Variants in SLC35E3 observed in about 807,000 individuals in gnomAD.
The protein encoded by SLC35E3 is bladder cancer-overexpressed gene 1 protein.
In SLC35E3, 28 loss-of-function variants were observed where a neutral mutation model predicts 30.8. That is an observed-to-expected ratio of 0.91 (90% confidence interval 0.67 to 1.25). The LOEUF (loss-of-function observed/expected upper bound fraction) is 1.25, where lower values mean the gene tolerates loss of function less well. Among genes scored for constraint, SLC35E3 ranks in the 50% most tolerant of loss-of-function variants. The pLI is 0.00. For synonymous variants in SLC35E3, 146 were observed against 149.2 expected (o/e 0.98, Z 0.16); for missense variants, 365 against 375.4 (o/e 0.97, Z 0.23).
At chr12:68,748,095 A>C (rs1054792691) in intron 2 of SLC35E3, 55 bp downstream of exon 2, 7 of 1,006,558 alleles carry the variant, frequency 7.0e-6, no homozygotes, top group Non-Finnish European at 9.4e-6. Context: ...TAAATTTTGA[A>C]GCTGTATTCC....
At chr12:68,747,813 G>A in intron 1 of SLC35E3, 117 bp from the exon 2 acceptor site, 1 of 577,072 alleles carries the variant, frequency 1.7e-6, no homozygotes, top group South Asian at 2.4e-5. Context: ...ATTTATACAG[G>A]TTCATTGTTT....
At chr12:68,757,996 G>A (rs1259361219) in intron 3 of SLC35E3, among the ~76,000 whole-genome samples, 1 of 151,934 alleles carries the variant, frequency 6.6e-6, no homozygotes, top group African/African-American at 2.4e-5. Context: ...GGAGGCTGAG[G>A]CAGAAGAATC....
intron 1 of SLC35E3, among the ~76,000 whole-genome samples, chr12:68,747,067 C>A (rs777223873): frequency 1.3e-5 from 2 of 152,152 alleles, no homozygotes; most frequent in Non-Finnish European, 2.9e-5. Context: ...CCAGTGTTAT[C>A]AGAATATCTG....
intron 3 of SLC35E3, among the ~76,000 whole-genome samples, chr12:68,757,498 G>T (rs1269132659): frequency 6.6e-6 from 1 of 152,058 alleles, no homozygotes; most frequent in Non-Finnish European, 1.5e-5. Flanking sequence ...TGTATATAGT[G>T]GTCCAACCCA....
intron 4 of SLC35E3, chr12:68,760,194 GA>G (rs1183465977): frequency 1.3e-5 from 2 of 152,540 alleles, no homozygotes; most frequent in Non-Finnish European, 2.9e-5. Flanking sequence ...AGAAAAAATA[GA>G]AATGAAGTTA....
intron 3 of SLC35E3, among the ~76,000 whole-genome samples, chr12:68,758,670 C>T (rs1050682846): frequency 4.7e-5 from 7 of 149,238 alleles, no homozygotes; most frequent in African/African-American, 7.4e-5. Context: ...TTTCTAAACA[C>T]GGTTCATTCT....
chr12:68,762,432 C>T (rs555869335), intron 4 of SLC35E3, among the ~76,000 whole-genome samples: 3 of 151,958 alleles, frequency 2.0e-5, no homozygotes, highest in East Asian at 1.9e-4. Context: ...TGTCAGATGC[C>T]GCTGGCAGGC....
At chr12:68,760,770 A>G (rs1165552799) in intron 4 of SLC35E3, among the ~76,000 whole-genome samples, 1 of 152,242 alleles carries the variant, frequency 6.6e-6, no homozygotes, top group Non-Finnish European at 1.5e-5. Flanking sequence ...ACAGTAATGA[A>G]CCACATAGAC....
rs1283586459 is a variant in SLC35E3, at chr12:68,781,348, A to G, written c.*16458A>G. On this transcript the variant is annotated 3_prime_UTR_variant, in exon 5 of 5. Coordinates refer to ENST00000398004, the MANE Select transcript of SLC35E3 (RefSeq NM_018656.5). ...AACAAGATCCTTTGTTTGTATAAGT[A>G]CAATCAGTTTGCTGAATAAAACCTT... 6.6e-6 allele frequency: 1 copy of G among 152,232 alleles called. No homozygotes were observed. The highest frequency in any genetic ancestry group is 1.5e-5 in the Non-Finnish European group (1 of 68,036). 9.4% of individuals were successfully genotyped at this position (152,232 alleles called of 1,614,324 possible).
intron 4 of SLC35E3, among the ~76,000 whole-genome samples, chr12:68,761,849 T>G (rs1191760501): frequency 6.6e-6 from 1 of 152,130 alleles, no homozygotes; most frequent in African/African-American, 2.4e-5. Flanking sequence ...CTGATTTACA[T>G]GGTTTTTGAC....
Position 68,746,402 on chromosome 12 carries a change from C to T in SLC35E3, c.25C>T (p.Arg9Trp), listed in dbSNP as rs1026592785. 3.1e-6 allele frequency: 5 copies of T among 1,602,732 alleles called. No individual in the cohort carries two copies. The African/African-American group carries it at 6.7e-5, about 21-fold the overall frequency. Reference protein sequence around the residue: MALLVDRVRGHWRIAAGLL... With the variant: MALLVDRVWGHWRIAAGLL... ...CATGGCATTGCTGGTGGACCGAGTGCGGGGCCACTGGCGAATCGCCGCCGG... is the reference window on the plus strand; with the variant it reads ...CATGGCATTGCTGGTGGACCGAGTGTGGGGCCACTGGCGAATCGCCGCCGG... The change falls in exon 1 of 5, where the codon CGG becomes TGG. Residue 9 changes from arginine (R) to tryptophan (W), a missense_variant. Coordinates refer to ENST00000398004, the MANE Select transcript of SLC35E3 (RefSeq NM_018656.5).
intron 3 of SLC35E3, among the ~76,000 whole-genome samples, 192 bp from the exon 4 acceptor site, chr12:68,758,965 G>A (rs1009654696): frequency 6.6e-6 from 1 of 151,894 alleles, no homozygotes; most frequent in Admixed American, 6.6e-5. Flanking sequence ...TCCTGACCTC[G>A]TGATCCGCCC....
At chr12:68,759,025 G>T (rs368155842) in intron 3 of SLC35E3, 132 bp from the exon 4 acceptor site, 1 of 695,214 alleles carries the variant, frequency 1.4e-6, no homozygotes, top group East Asian at 2.8e-5. Context: ...CACCGCGCCC[G>T]GCCCTCTCTT....
intron 4 of SLC35E3, among the ~76,000 whole-genome samples, chr12:68,761,496 G>A (rs190614920): frequency 2.0e-5 from 3 of 152,302 alleles, no homozygotes; most frequent in African/African-American, 4.8e-5. Context: ...TGGGCTAGAC[G>A]GTTCTTAGTG....
At chr12:68,758,922 T>G (rs2136075254) in intron 3 of SLC35E3, among the ~76,000 whole-genome samples, 1 of 152,082 alleles carries the variant, frequency 6.6e-6, no homozygotes, top group Middle Eastern at 3.4e-3. Flanking sequence ...TTTATATTTT[T>G]AGTAGAGATG....
At chr12:68,754,759 TG>T (rs1472103558) in intron 3 of SLC35E3, among the ~76,000 whole-genome samples, 8 of 152,174 alleles carry the variant, frequency 5.3e-5, no homozygotes, top group Middle Eastern at 3.2e-3. Context: ...ATATGTATTT[TG>T]GGGACTTTTA....
At position 68,771,939 on chromosome 12, in the gene SLC35E3, T is replaced by G. The variant is rs1879611861; in HGVS notation, c.*7049T>G. On this transcript the variant is annotated 3_prime_UTR_variant, in exon 5 of 5. Transcript: ENST00000398004. Reference sequence around the variant, plus strand: ...TCCAAAATCCCCTGATTCTGCTTTTTCAGATTAAAATTATAATTTCTCATT... The same window carrying G: ...TCCAAAATCCCCTGATTCTGCTTTTGCAGATTAAAATTATAATTTCTCATT... 6.6e-6 allele frequency: 1 copy of G among 152,246 alleles called. No homozygotes were observed. The highest frequency in any genetic ancestry group is 1.5e-5 in the Non-Finnish European group (1 of 68,048). 9.4% of individuals were successfully genotyped at this position (152,246 alleles called of 1,614,324 possible).
chr12:68,778,846 T>G lies in SLC35E3; in HGVS notation c.*13956T>G, dbSNP rs1302544366. 6.6e-6 allele frequency: 1 copy of G among 151,366 alleles called. No homozygotes were observed. The highest frequency in any genetic ancestry group is 2.4e-5 in the African/African-American group (1 of 41,166). 9.4% of individuals were successfully genotyped at this position (151,366 alleles called of 1,614,324 possible). A position where few individuals can be genotyped will look rare whatever the true frequency, so the allele number is the denominator to read the frequency against. ...ATGGCTGGATGCAGTGGCTCACGCC[T>G]GTAATCCCAGCACTTTGGGAGGCCA... is the stretch of plus-strand genomic sequence containing the variant. On this transcript the variant is annotated 3_prime_UTR_variant, in exon 5 of 5. Transcript: ENST00000398004.
At position 68,774,655 on chromosome 12, in the gene SLC35E3, C is replaced by T. The variant is rs1879689981; in HGVS notation, c.*9765C>T. On this transcript the variant is annotated 3_prime_UTR_variant, in exon 5 of 5. Transcript: ENST00000398004. ...CAGGAAGCTGAAGCAGGAGGATTGC[C>T]TGATCCTGGGAGGTTGAGGCTGCAG... 6.6e-6 allele frequency: 1 copy of T among 151,662 alleles called. No individual in the cohort carries two copies. Among genetic ancestry groups the T allele is most frequent in the African/African-American group, 2.4e-5 (1 of 41,200 alleles). The allele number at this position is 151,662 out of a possible 1,614,324, so 9.4% of individuals were successfully genotyped here.
Sources: allele counts gnomAD v4.1 joint callset (sites outside exome capture counted in the v4.1 genomes callset), GRCh38; gene constraint gnomAD v4.1.1; transcripts MANE v1.5; gene names NCBI Gene and HGNC (gene_info 2026-07-23, HGNC 2026-07-21).